UBXN7: variants seen among roughly 807,000 people sequenced by gnomAD.
UBXN7 encodes the protein UBX domain-containing protein 7.
Under a neutral mutation model 58.0 loss-of-function variants are expected in UBXN7, and 9 were observed. The ratio of observed to expected loss-of-function variants is 0.16; its 90% CI spans 0.09 to 0.27. The LOEUF (loss-of-function observed/expected upper bound fraction) is 0.27. UBXN7 is among the 10% of genes least tolerant of loss of function. The probability of loss-of-function intolerance (pLI) is 1.00; values close to 1 mark genes in which losing one functional copy is unlikely to be tolerated. For synonymous variants in UBXN7, 208 were observed against 205.0 expected (o/e 1.01, Z -0.12); for missense variants, 328 against 599.6 (o/e 0.55, Z 4.73).
At chr3:196,423,351 G>A (rs1302113704) in intron 1 of UBXN7, 7 of 169,026 alleles carry the variant, frequency 4.1e-5, no homozygotes, top group South Asian at 1.0e-4. Flanking sequence ...CCAACAAGCC[G>A]GTCCCTGAGA....
At chr3:196,427,325 T>C (rs1730880493) in intron 1 of UBXN7, among the ~76,000 whole-genome samples, 1 of 152,210 alleles carries the variant, frequency 6.6e-6, no homozygotes, top group African/African-American at 2.4e-5. Context: ...GCAGCACATA[T>C]ACTAAAATTG....
In UBXN7 at chr3:196,429,760, G is replaced by T. The variant is rs143555226; in HGVS notation, c.73+2567C>A. ...ACGGTTAATCACTATCTTGTAAAAA[G>T]AATCCCAAAAATTATCAATAGAAAT... On this transcript the variant is annotated intron_variant, in intron 1 of 10. Transcript: ENST00000296328. 6.8e-3 allele frequency among the ~76,000 whole-genome samples: 1,034 copies of T among 152,258 alleles called. 10 individuals carry two copies. The highest frequency in any genetic ancestry group is 0.022 in the African/African-American group (933 of 41,550).
chr3:196,363,824 G>C (rs1050240898), intron 8 of UBXN7, among the ~76,000 whole-genome samples: 11 of 151,904 alleles, frequency 7.2e-5, no homozygotes, highest in African/African-American at 2.7e-4. Flanking sequence ...AGCTACTCAG[G>C]AGGCTGAGGC....
intron 1 of UBXN7, among the ~76,000 whole-genome samples, chr3:196,409,916 A>G (rs1730268944): frequency 6.6e-6 from 1 of 151,354 alleles, no homozygotes; most frequent in African/African-American, 2.4e-5. Flanking sequence ...CCTGGTGCTA[A>G]CCAATAATGT....
chr3:196,380,394 G>C (rs141918694), intron 5 of UBXN7, among the ~76,000 whole-genome samples: 277 of 152,324 alleles, frequency 1.8e-3, no homozygotes, highest in African/African-American at 6.3e-3. Context: ...AGACCTAGGG[G>C]ATGGCAGAAC....
In UBXN7 at chr3:196,352,007, T is replaced by G. The variant is rs1212130527; in HGVS notation, c.*4678A>C. 1 of 152,192 alleles carries G rather than the reference T, an allele frequency of 6.6e-6. No individual in the cohort carries two copies. The highest frequency in any genetic ancestry group is 1.5e-5 in the Non-Finnish European group (1 of 68,022). 9.4% of individuals were successfully genotyped at this position (152,192 alleles called of 1,614,324 possible). Reference sequence around the variant, plus strand: ...TCCTACTTGGGTACTGGTTATGCCTTAGTGGCAGAACTTCATGCCCCAAAT... The same window carrying G: ...TCCTACTTGGGTACTGGTTATGCCTGAGTGGCAGAACTTCATGCCCCAAAT... On this transcript the variant is annotated 3_prime_UTR_variant, in exon 11 of 11. Coordinates refer to ENST00000296328, the MANE Select transcript of UBXN7 (RefSeq NM_015562.2). The surrounding 1 kb of genome is among the most constrained non-coding windows in gnomAD (Gnocchi z 4.1).
chr3:196,405,022 C>T (rs946243563), intron 2 of UBXN7, among the ~76,000 whole-genome samples: 8 of 152,210 alleles, frequency 5.3e-5, no homozygotes, highest in Admixed American at 5.2e-4. Flanking sequence ...AGTGTGGTGG[C>T]ATGCGCCTAT....
chr3:196,398,433 T>C (rs897998550), intron 3 of UBXN7, among the ~76,000 whole-genome samples: 1 of 152,224 alleles, frequency 6.6e-6, no homozygotes, highest in African/African-American at 2.4e-5. Flanking sequence ...GTATCATGCA[T>C]TGGTTATTCA....
intron 3 of UBXN7, among the ~76,000 whole-genome samples, chr3:196,402,472 T>C (rs1028470376): frequency 5.9e-5 from 9 of 152,216 alleles, no homozygotes; most frequent in Admixed American, 1.3e-4. Flanking sequence ...AAATAAATGC[T>C]TAACGATAAA....
At chr3:196,396,358 C>T (rs982674213) in intron 3 of UBXN7, among the ~76,000 whole-genome samples, 3 of 147,968 alleles carry the variant, frequency 2.0e-5, no homozygotes, top group African/African-American at 7.5e-5. Context: ...CCAAGGAGTT[C>T]GAGTACAGTC....
At chr3:196,388,886 T>C (rs1465156191) in intron 5 of UBXN7, among the ~76,000 whole-genome samples, 1 of 152,140 alleles carries the variant, frequency 6.6e-6, no homozygotes, top group African/African-American at 2.4e-5. Flanking sequence ...ATTTATTTCA[T>C]TTAAAGTCTT....
rs186760016 is a variant in UBXN7, at chr3:196,399,445, G to A, written c.289+3507C>T. ...AAGCCACTGCAACTGTCCTATTTAT[G>A]TTTCTTTTATAGACAGGGCCTCACT... On this transcript the variant is annotated intron_variant, in intron 3 of 10. Coordinates refer to ENST00000296328, the MANE Select transcript of UBXN7 (RefSeq NM_015562.2). 4.9e-4 allele frequency among the ~76,000 whole-genome samples: 75 copies of A among 151,920 alleles called. 1 individual carries two copies. The highest frequency in any genetic ancestry group is 3.9e-3 in the Admixed American group (60 of 15,246).
At chr3:196,376,041 A>G (rs1307326279) in intron 5 of UBXN7, among the ~76,000 whole-genome samples, 1 of 152,176 alleles carries the variant, frequency 6.6e-6, no homozygotes, top group Non-Finnish European at 1.5e-5. Context: ...AAAGAAAGAA[A>G]AAGAAAATGA....
intron 3 of UBXN7, 83 bp downstream of exon 3, chr3:196,402,869 G>T: frequency 2.1e-6 from 3 of 1,454,180 alleles, no homozygotes; most frequent in Non-Finnish European, 2.8e-6. Flanking sequence ...CAGTCTCCTA[G>T]CAAGCCTTCA....
chr3:196,370,550 C>T (rs1488628528), intron 6 of UBXN7, among the ~76,000 whole-genome samples: 3 of 151,224 alleles, frequency 2.0e-5, no homozygotes, highest in East Asian at 3.9e-4. Flanking sequence ...AAGAGCTGCT[C>T]GATCAATATT....
At chr3:196,391,957 G>T in intron 4 of UBXN7, 32 bp from the exon 5 acceptor site, 5 of 866,894 alleles carry the variant, frequency 5.8e-6, no homozygotes, top group South Asian at 1.6e-5. Context: ...GTTTCAGTTA[G>T]CCATAATCAT....
rs879319663 is a variant in UBXN7 at position 196,421,780 on chromosome 3, C to CA, written c.73+10546dup. The stretch of plus-strand genomic sequence containing the variant: ...AACAAAGCGAGACTCCATCTCAAAC[C>CA]AAAAAAAAAAAAGATTTATAGATGG... On this transcript the variant is annotated intron_variant, in intron 1 of 10. Transcript: ENST00000296328. Among the ~76,000 whole-genome samples, 405 of 125,832 alleles carry CA rather than the reference C, an allele frequency of 3.2e-3. 4 individuals carry two copies. Among genetic ancestry groups the CA allele is most frequent in the African/African-American group, 8.6e-3 (293 of 33,996 alleles). The allele number at this position is 125,832 out of a possible 152,430, so 82.6% of individuals were successfully genotyped here.
At chr3:196,420,744 C>T (rs1358142958) in intron 1 of UBXN7, among the ~76,000 whole-genome samples, 1 of 152,134 alleles carries the variant, frequency 6.6e-6, no homozygotes. Flanking sequence ...TGGCACCAAA[C>T]GGCCTTCCTT....
intron 1 of UBXN7, chr3:196,423,270 TGTAA>T (rs1389497739): frequency 6.5e-6 from 1 of 153,670 alleles, no homozygotes; most frequent in Admixed American, 6.5e-5. Flanking sequence ...CACCGCAACA[TGTAA>T]GTGTTTCCAC....
Sources: gnomAD v4.1 joint callset for allele counts (sites outside exome capture counted in the v4.1 genomes callset) on GRCh38, gnomAD v4.1.1 for gene constraint, Gnocchi (gnomAD v3.1) non-coding constraint, MANE v1.5 for transcripts, NCBI Gene and HGNC (gene_info 2026-07-23, HGNC 2026-07-21) for gene names.